NRXN3: variants seen among roughly 807,000 people sequenced by gnomAD.
NRXN3 encodes neurexin 3.
A neutral mutation model predicts 137.6 loss-of-function variants in NRXN3; 32 were observed. That is an observed-to-expected ratio of 0.23 (90% CI 0.18 to 0.31). The LOEUF (loss-of-function observed/expected upper bound fraction) is 0.31, where lower values mean the gene tolerates loss of function less well. Among genes scored for constraint, NRXN3 ranks in the 10% least tolerant of loss-of-function variants. NRXN3 has a pLI of 1.00. For missense variants in NRXN3, 1,574 were observed against 2,062.5 expected (o/e 0.76, Z 4.59); for synonymous variants, 798 against 784.5 (o/e 1.02, Z -0.29).
intron 4 of NRXN3, among the ~76,000 whole-genome samples, chr14:78,552,552 G>A (rs1002502171): frequency 2.0e-5 from 3 of 152,164 alleles, no homozygotes; most frequent in Non-Finnish European, 4.4e-5. Flanking sequence ...TGTAGCCCCA[G>A]CTACTCAGGA....
intron 4 of NRXN3, among the ~76,000 whole-genome samples, chr14:78,342,439 T>A (rs1035533279): frequency 6.6e-6 from 1 of 152,170 alleles, no homozygotes; most frequent in African/African-American, 2.4e-5. Context: ...TTAGTGGAGA[T>A]GGTGATAGTA....
At chr14:79,426,963 T>C (rs1480442397) in intron 15 of NRXN3, among the ~76,000 whole-genome samples, 1 of 152,232 alleles carries the variant, frequency 6.6e-6, no homozygotes, top group Admixed American at 6.5e-5. Flanking sequence ...CCAAAAAATA[T>C]ATATTTTAAA....
At chr14:79,413,055 C>G (rs1003850166) in intron 15 of NRXN3, among the ~76,000 whole-genome samples, 3 of 152,118 alleles carry the variant, frequency 2.0e-5, no homozygotes, top group Non-Finnish European at 4.4e-5. Flanking sequence ...TCCCAATAGA[C>G]ACTTAACCTG....
At chr14:79,644,811 C>T (rs562186740) in intron 16 of NRXN3, among the ~76,000 whole-genome samples, 2 of 136,012 alleles carry the variant, frequency 1.5e-5, no homozygotes, top group South Asian at 2.3e-4. Flanking sequence ...AGCACTTTTA[C>T]ATATATTATC....
At chr14:78,812,880 G>T (rs1439751961) in intron 10 of NRXN3, among the ~76,000 whole-genome samples, 3 of 152,144 alleles carry the variant, frequency 2.0e-5, no homozygotes, top group African/African-American at 7.2e-5. Flanking sequence ...TTTAATATCA[G>T]AGAAATAATA....
At chr14:79,440,055 C>CT (rs1426203947) in intron 15 of NRXN3, among the ~76,000 whole-genome samples, 1 of 152,196 alleles carries the variant, frequency 6.6e-6, no homozygotes, top group African/African-American at 2.4e-5. Flanking sequence ...TATGCATTTA[C>CT]TGCTAAAAAC....
intron 4 of NRXN3, among the ~76,000 whole-genome samples, chr14:78,517,804 G>T (rs565649565): frequency 6.6e-6 from 1 of 152,232 alleles, no homozygotes; most frequent in East Asian, 1.9e-4. Flanking sequence ...GCAAATGCAG[G>T]TTCATATTCT....
At chr14:79,728,966 C>T in intron 19 of NRXN3, among the ~76,000 whole-genome samples, 1 of 152,158 alleles carries the variant, frequency 6.6e-6, no homozygotes, top group Non-Finnish European at 1.5e-5. Context: ...GCTAGAGATA[C>T]AGATACAGAT....
At chr14:79,790,124 C>T (rs2099140609) in intron 19 of NRXN3, among the ~76,000 whole-genome samples, 2 of 152,126 alleles carry the variant, frequency 1.3e-5, no homozygotes. Flanking sequence ...ATAAAATAAA[C>T]TTCTGAGACT....
intron 6 of NRXN3, among the ~76,000 whole-genome samples, chr14:78,705,821 A>G (rs2098341388): frequency 6.6e-6 from 1 of 152,220 alleles, no homozygotes; most frequent in Non-Finnish European, 1.5e-5. Context: ...ATAGACAGGT[A>G]ATTTCAGGGC....
intron 19 of NRXN3, among the ~76,000 whole-genome samples, chr14:79,763,369 T>C (rs1215903079): frequency 6.6e-6 from 1 of 151,776 alleles, no homozygotes; most frequent in Non-Finnish European, 1.5e-5. Context: ...GATTTATACA[T>C]ACGTGTGCAT....
chr14:78,752,233 C>G (rs2098646361), intron 8 of NRXN3, among the ~76,000 whole-genome samples: 1 of 152,060 alleles, frequency 6.6e-6, no homozygotes, highest in African/African-American at 2.4e-5. Context: ...AGGGTGAAAC[C>G]CTGTTTGGTT....
At chr14:78,230,884 C>T (rs955231676) in intron 1 of NRXN3, among the ~76,000 whole-genome samples, 6 of 152,170 alleles carry the variant, frequency 3.9e-5, no homozygotes, top group Non-Finnish European at 5.9e-5. Context: ...GGAGTGATGA[C>T]TTCCATTTTA....
intron 16 of NRXN3, among the ~76,000 whole-genome samples, chr14:79,548,101 A>G (rs1601937259): frequency 6.6e-6 from 1 of 152,150 alleles, no homozygotes; most frequent in East Asian, 1.9e-4. Flanking sequence ...GGTTTGTTAC[A>G]TAGGTATACA....
At chr14:79,708,061 A>G (rs1458567016) in intron 19 of NRXN3, among the ~76,000 whole-genome samples, 3 of 152,228 alleles carry the variant, frequency 2.0e-5, no homozygotes, top group Non-Finnish European at 2.9e-5. Context: ...GAGACATCAC[A>G]ATGACCACTT....
intron 16 of NRXN3, among the ~76,000 whole-genome samples, chr14:79,525,136 A>G (rs1024565694): frequency 2.0e-5 from 3 of 152,156 alleles, no homozygotes; most frequent in Non-Finnish European, 2.9e-5. Flanking sequence ...CCTAGTTTCT[A>G]TGGCTAGCAT....
At chr14:78,246,422 G>A (rs959530507) in intron 2 of NRXN3, among the ~76,000 whole-genome samples, 1 of 151,860 alleles carries the variant, frequency 6.6e-6, no homozygotes, top group African/African-American at 2.4e-5. Context: ...GCTACGGATT[G>A]ATACCCCTAT....
chr14:79,156,809 C>T (rs2060291900), intron 15 of NRXN3, among the ~76,000 whole-genome samples: 2 of 151,900 alleles, frequency 1.3e-5, no homozygotes, highest in South Asian at 4.1e-4. Context: ...TAATCTCACT[C>T]CCATTTCTAC....
At chr14:78,465,837 G>T (rs1264277019) in intron 4 of NRXN3, among the ~76,000 whole-genome samples, 1 of 150,570 alleles carries the variant, frequency 6.6e-6, no homozygotes, top group African/African-American at 2.4e-5. Context: ...CCGGCCTAAG[G>T]TATTTTTTTA....
Sources: gnomAD v4.1 joint callset for allele counts (sites outside exome capture counted in the v4.1 genomes callset) on GRCh38, gnomAD v4.1.1 for gene constraint, MANE v1.5 for transcripts, NCBI Gene and HGNC (gene_info 2026-07-23, HGNC 2026-07-21) for gene names.